DPP10: variants seen among roughly 807,000 people sequenced by gnomAD.
DPP10 encodes the protein inactive dipeptidyl peptidase 10.
In DPP10, 33 loss-of-function variants were observed where a neutral mutation model predicts 120.9. The ratio of observed to expected loss-of-function variants is 0.27; its 90% CI spans 0.21 to 0.37. The LOEUF (loss-of-function observed/expected upper bound fraction) is 0.37. Ranked by LOEUF, DPP10 falls within the 10% of genes least tolerant of loss-of-function variation. DPP10 has a pLI of 1.00. For synonymous variants in DPP10, 337 were observed against 326.1 expected (o/e 1.03, Z -0.36); for missense variants, 816 against 942.8 (o/e 0.87, Z 1.76).
chr2:115,678,065 A>G (rs923272893), intron 5 of DPP10, among the ~76,000 whole-genome samples: 1 of 152,246 alleles, frequency 6.6e-6, no homozygotes. Context: ...TATATCAAGT[A>G]AGAGGAAGCA....
chr2:115,628,421 C>G (rs528955735), intron 5 of DPP10, among the ~76,000 whole-genome samples: 2 of 151,874 alleles, frequency 1.3e-5, no homozygotes, highest in Non-Finnish European at 2.9e-5. Flanking sequence ...GATATTAGAC[C>G]CTTGTCAGAT....
chr2:114,455,522 G>A (rs1007643332), intron 1 of DPP10, among the ~76,000 whole-genome samples: 1 of 150,202 alleles, frequency 6.7e-6, no homozygotes, highest in Non-Finnish European at 1.5e-5. Flanking sequence ...ACCAGCCTGG[G>A]TGACAGTTCA....
chr2:115,284,825 T>C (rs191268170), intron 1 of DPP10, among the ~76,000 whole-genome samples: 1 of 152,152 alleles, frequency 6.6e-6, no homozygotes, highest in African/African-American at 2.4e-5. Flanking sequence ...GAATTTCTAC[T>C]TTATCCTCTG....
chr2:115,738,862 G>T (rs758908428), intron 8 of DPP10, among the ~76,000 whole-genome samples: 56 of 152,314 alleles, frequency 3.7e-4, no homozygotes, highest in Non-Finnish European at 3.2e-4. Context: ...GAAGATAATT[G>T]ATTTACAAAG....
At chr2:115,383,334 C>T (rs2066570270) in intron 3 of DPP10, among the ~76,000 whole-genome samples, 1 of 152,184 alleles carries the variant, frequency 6.6e-6, no homozygotes, top group Non-Finnish European at 1.5e-5. Flanking sequence ...CACAAGCTCT[C>T]TTCTCTTGTC....
chr2:114,656,793 G>T (rs775920714), intron 1 of DPP10, among the ~76,000 whole-genome samples: 36 of 152,154 alleles, frequency 2.4e-4, no homozygotes, highest in Non-Finnish European at 4.3e-4. Context: ...AGGCACATGA[G>T]CCTCTCAGGA....
chr2:115,594,515 A>G (rs892052672), intron 5 of DPP10, among the ~76,000 whole-genome samples: 6 of 152,178 alleles, frequency 3.9e-5, no homozygotes, highest in Non-Finnish European at 5.9e-5. Context: ...AGTCCCATGC[A>G]ATTAACTCCT....
At chr2:115,773,822 G>A (rs1047824276) in intron 13 of DPP10, among the ~76,000 whole-genome samples, 2 of 151,976 alleles carry the variant, frequency 1.3e-5, no homozygotes, top group African/African-American at 4.8e-5. Flanking sequence ...TATTCTGATT[G>A]GTATTAAGAT....
At chr2:115,261,380 A>G (rs2105751403) in intron 1 of DPP10, among the ~76,000 whole-genome samples, 1 of 152,316 alleles carries the variant, frequency 6.6e-6, no homozygotes, top group African/African-American at 2.4e-5. Flanking sequence ...TGAATGTTGT[A>G]TGGAACGCAT....
At chr2:115,161,611 C>A (rs2052365639) in intron 1 of DPP10, 1 of 195,874 alleles carries the variant, frequency 5.1e-6, no homozygotes, top group East Asian at 1.2e-4. Flanking sequence ...GAAGAAGGCA[C>A]GAGGCGTCGC....
chr2:115,628,539 A>T (rs549637901), intron 5 of DPP10, among the ~76,000 whole-genome samples: 1 of 151,900 alleles, frequency 6.6e-6, no homozygotes, highest in South Asian at 2.1e-4. Context: ...CCATTTGTTA[A>T]TTTTTTCTTT....
At chr2:115,802,784 T>A (rs2149980389) in intron 19 of DPP10, among the ~76,000 whole-genome samples, 1 of 151,976 alleles carries the variant, frequency 6.6e-6, no homozygotes, top group African/African-American at 2.4e-5. Flanking sequence ...GATTGCACTG[T>A]GGTCTGAGAG....
At chr2:114,790,762 G>T (rs1217983345) in intron 1 of DPP10, among the ~76,000 whole-genome samples, 1 of 152,184 alleles carries the variant, frequency 6.6e-6, no homozygotes. Context: ...TTAAGGCAAG[G>T]ACCGGCCATT....
intron 5 of DPP10, among the ~76,000 whole-genome samples, chr2:115,568,385 A>T (rs1223766151): frequency 5.9e-5 from 9 of 151,926 alleles, no homozygotes; most frequent in African/African-American, 1.7e-4. Flanking sequence ...CAGGAGGCTG[A>T]GGCAGGAGAA....
intron 21 of DPP10, among the ~76,000 whole-genome samples, chr2:115,831,089 G>A (rs971146737): frequency 6.6e-6 from 1 of 152,068 alleles, no homozygotes; most frequent in Non-Finnish European, 1.5e-5. Flanking sequence ...ATTATGTTAA[G>A]CGAATTAATA....
chr2:114,735,945 C>G (rs1031789119), intron 1 of DPP10, among the ~76,000 whole-genome samples: 1 of 151,964 alleles, frequency 6.6e-6, no homozygotes, highest in Non-Finnish European at 1.5e-5. Flanking sequence ...TCACTACTAC[C>G]ATCTAAGTAT....
chr2:114,814,926 G>A (rs1046406861), intron 1 of DPP10, among the ~76,000 whole-genome samples: 12 of 152,176 alleles, frequency 7.9e-5, no homozygotes, highest in Admixed American at 2.6e-4. Context: ...TGTTGTCTAC[G>A]GGTTTGGGGA....
chr2:114,819,081 G>A (rs922960148), intron 1 of DPP10, among the ~76,000 whole-genome samples: 3 of 151,882 alleles, frequency 2.0e-5, no homozygotes, highest in East Asian at 1.9e-4. Context: ...TGGGCATTTC[G>A]TTAGGCGATT....
chr2:114,834,239 C>T (rs1433365352), intron 1 of DPP10, among the ~76,000 whole-genome samples: 4 of 151,376 alleles, frequency 2.6e-5, no homozygotes, highest in Non-Finnish European at 2.9e-5. Context: ...GCCATATCTA[C>T]ACACCTATGT....
Sources: allele counts gnomAD v4.1 joint callset (sites outside exome capture counted in the v4.1 genomes callset), GRCh38; gene constraint gnomAD v4.1.1; transcripts MANE v1.5; gene names NCBI Gene and HGNC (gene_info 2026-07-23, HGNC 2026-07-21).